Variants in HMGB1 observed in about 807,000 individuals in gnomAD.
The protein encoded by HMGB1 is high mobility group protein B1.
For synonymous variants in HMGB1, 81 were observed against 84.0 expected, an observed-to-expected ratio of 0.96 and a Z score of 0.19; for missense variants, 79 against 253.5, an observed-to-expected ratio of 0.31 and a Z score of 4.67.
chr13:30,531,057 A>G (rs1888482140), intron 1 of HMGB1, among the ~76,000 whole-genome samples: 1 of 152,140 alleles, frequency 6.6e-6, no homozygotes, highest in African/African-American at 2.4e-5. Context: ...AAGACAAATA[A>G]AAAACAAGTG....
chr13:30,549,297 T>TAA, intron 1 of HMGB1, among the ~76,000 whole-genome samples: 1 of 152,162 alleles, frequency 6.6e-6, no homozygotes, highest in East Asian at 1.9e-4. Context: ...AATAAATAAA[T>TAA]ACGAATGTCT....
At chr13:30,478,096 A>G (rs1887140063) in intron 1 of HMGB1, among the ~76,000 whole-genome samples, 1 of 152,228 alleles carries the variant, frequency 6.6e-6, no homozygotes, top group Non-Finnish European at 1.5e-5. Context: ...GCAAATTGAT[A>G]GTCATGTTCA....
At chr13:30,486,820 G>A (rs144015565) in intron 1 of HMGB1, among the ~76,000 whole-genome samples, 216 of 152,190 alleles carry the variant, frequency 1.4e-3, no homozygotes, top group African/African-American at 5.0e-3. Flanking sequence ...TCTCGGTTGG[G>A]GTGACATTTA....
At chr13:30,545,059 T>A (rs1005666104) in intron 1 of HMGB1, among the ~76,000 whole-genome samples, 2 of 152,222 alleles carry the variant, frequency 1.3e-5, no homozygotes, top group Non-Finnish European at 2.9e-5. Flanking sequence ...TTATGTTCCC[T>A]GTCATGTCTT....
In HMGB1 at chr13:30,556,363, C is replaced by T. The variant is rs1393591636; in HGVS notation, c.-15+60308G>A. Among the ~76,000 whole-genome samples, 59 of 152,176 alleles carry T rather than the reference C, an allele frequency of 3.9e-4. 1 individual carries two copies. The highest frequency in any genetic ancestry group is 3.9e-3 in the Admixed American group (59 of 15,280). On this transcript the variant is annotated intron_variant, in intron 1 of 4. Coordinates refer to the HMGB1 transcript ENST00000405805. Reference sequence around the variant, plus strand: ...AGGTTGCAGTGAGCCGAGATCCTGCCACTGCACTCTAGCCTGGGCAACAAG... The same window carrying T: ...AGGTTGCAGTGAGCCGAGATCCTGCTACTGCACTCTAGCCTGGGCAACAAG...
Position 30,460,878 on chromosome 13 carries a change from G to T in HMGB1, c.*479C>A. 1.9e-6 allele frequency: 1 copy of T among 537,690 alleles called. No homozygotes were observed. Among genetic ancestry groups the T allele is most frequent in the Non-Finnish European group, 2.4e-6 (1 of 421,980 alleles). 33.3% of individuals were successfully genotyped at this position (537,690 alleles called of 1,614,324 possible). Reference sequence around the variant, plus strand: ...TCAAGAAGAAAAATTTCAGACCTATGAAAAGGACAACAATACTAATAAAAA... The same window carrying T: ...TCAAGAAGAAAAATTTCAGACCTATTAAAAGGACAACAATACTAATAAAAA... On this transcript the variant is annotated 3_prime_UTR_variant, in exon 5 of 5. Coordinates refer to ENST00000341423, the MANE Select transcript of HMGB1 (RefSeq NM_002128.7).
intron 1 of HMGB1, among the ~76,000 whole-genome samples, chr13:30,588,502 GA>G (rs1566033647): frequency 1.3e-5 from 2 of 152,106 alleles, no homozygotes; most frequent in South Asian, 2.1e-4. Flanking sequence ...TGCAGCGGGG[GA>G]AAAAACAGAA....
At chr13:30,570,159 C>T (rs749530167) in intron 1 of HMGB1, among the ~76,000 whole-genome samples, 13 of 152,196 alleles carry the variant, frequency 8.5e-5, no homozygotes, top group Non-Finnish European at 1.2e-4. Context: ...GGAAGCCTCG[C>T]TCTGCTTAAA....
chr13:30,485,542 G>A (rs763913819), intron 1 of HMGB1, among the ~76,000 whole-genome samples: 2 of 152,038 alleles, frequency 1.3e-5, no homozygotes, highest in African/African-American at 2.4e-5. Context: ...TTTTTAGAGC[G>A]AGGGTCTCTC....
Position 30,544,593 on chromosome 13 carries a change from C to T in HMGB1, c.-15+72078G>A, listed in dbSNP as rs79920984. Among the ~76,000 whole-genome samples, 895 of 152,286 alleles carry T rather than the reference C, an allele frequency of 5.9e-3. 10 individuals are homozygous for T. Among genetic ancestry groups the T allele is most frequent in the African/African-American group, 0.021 (869 of 41,554 alleles). On this transcript the variant is annotated intron_variant, in intron 1 of 4. Coordinates refer to the HMGB1 transcript ENST00000405805. ...GCTGAAAACGTGGAGGTTCCTGGAA[C>T]GTGGTGCCCCTGAAAAGGGCATGGA...
intron 1 of HMGB1, among the ~76,000 whole-genome samples, chr13:30,582,369 T>C (rs556758109): frequency 7.7e-4 from 118 of 152,330 alleles, no homozygotes; most frequent in African/African-American, 2.7e-3. Flanking sequence ...CCGGGCGTGG[T>C]GGCTCATGCC....
chr13:30,463,434 G>C (rs1426372070), intron 2 of HMGB1, 82 bp from the exon 3 acceptor site: 2 of 1,524,168 alleles, frequency 1.3e-6, no homozygotes, highest in Non-Finnish European at 1.8e-6. Flanking sequence ...CTATGTAATA[G>C]CGTCCCACTA....
chr13:30,599,220 G>A (rs939325151), intron 1 of HMGB1, among the ~76,000 whole-genome samples: 2 of 152,198 alleles, frequency 1.3e-5, no homozygotes, highest in Non-Finnish European at 2.9e-5. Flanking sequence ...TGTAATCCCA[G>A]TACTTTATGA....
At chr13:30,464,793 G>GA (rs1555232372) in intron 1 of HMGB1, 1 of 209,852 alleles carries the variant, frequency 4.8e-6, no homozygotes, top group African/African-American at 2.4e-5. Context: ...GTGTGTATGA[G>GA]AGAGTGTGTG....
At chr13:30,592,980 G>A (rs919594068) in intron 1 of HMGB1, among the ~76,000 whole-genome samples, 2 of 151,900 alleles carry the variant, frequency 1.3e-5, no homozygotes, top group Non-Finnish European at 2.9e-5. Context: ...TCTCTGAAAG[G>A]GATTGCCTTT....
intron 1 of HMGB1, among the ~76,000 whole-genome samples, chr13:30,503,103 C>T (rs975475639): frequency 5.3e-5 from 8 of 151,824 alleles, no homozygotes; most frequent in Admixed American, 1.3e-4. Context: ...TTTGGGAGGC[C>T]GAGGCGAGGG....
At chr13:30,507,005 C>T (rs1331960462) in intron 1 of HMGB1, among the ~76,000 whole-genome samples, 3 of 152,200 alleles carry the variant, frequency 2.0e-5, no homozygotes, top group Non-Finnish European at 4.4e-5. Context: ...GGCGATCCCT[C>T]CAAAGCAAAG....
chr13:30,467,318 G>C (rs1164796490), upstream of HMGB1, among the ~76,000 whole-genome samples: 1 of 151,976 alleles, frequency 6.6e-6, no homozygotes, highest in Non-Finnish European at 1.5e-5. Flanking sequence ...CACCTACATC[G>C]TGTTAATTTG....
chr13:30,559,437 C>A lies in HMGB1; in HGVS notation c.-15+57234G>T, dbSNP rs765951552. 6.6e-6 allele frequency among the ~76,000 whole-genome samples: 1 copy of A among 152,146 alleles called. No homozygotes were observed. The highest frequency in any genetic ancestry group is 2.4e-5 in the African/African-American group (1 of 41,428). Reference sequence around the variant, plus strand: ...TTCCTTGGGCAGTGAATTTAAATAACCTGTCAAAAGAATGAAGTGATGGAA... The same window carrying A: ...TTCCTTGGGCAGTGAATTTAAATAAACTGTCAAAAGAATGAAGTGATGGAA... On this transcript the variant is annotated intron_variant, in intron 1 of 4. Coordinates refer to the HMGB1 transcript ENST00000405805. The surrounding 1 kb of genome is among the most constrained non-coding windows in gnomAD (Gnocchi z 6.6).
Sources: allele counts gnomAD v4.1 joint callset (sites outside exome capture counted in the v4.1 genomes callset), GRCh38; gene constraint gnomAD v4.1.1; non-coding constraint Gnocchi (gnomAD v3.1); transcripts MANE v1.5; gene names NCBI Gene and HGNC (gene_info 2026-07-23, HGNC 2026-07-21).